Variants in TRAP1 observed in about 807,000 individuals in gnomAD.
TRAP1 encodes heat shock protein 75 kDa, mitochondrial.
TRAP1 carries 102 observed loss-of-function variants against 89.1 expected under a neutral mutation model. The observed-to-expected ratio is 1.15, with a 90% CI of 0.98 to 1.35. The LOEUF is 1.35. Ranked by LOEUF, TRAP1 falls within the 40% of genes most tolerant of loss-of-function variation. The pLI is 0.00. For missense variants in TRAP1, 1,256 were observed against 945.3 expected (o/e 1.33, Z -4.31); for synonymous variants, 508 against 388.0 (o/e 1.31, Z -3.64).
At chr16:3,705,554 T>A (rs1175676463) in intron 1 of TRAP1, among the ~76,000 whole-genome samples, 2 of 152,224 alleles carry the variant, frequency 1.3e-5, no homozygotes, top group Non-Finnish European at 2.9e-5. Flanking sequence ...TTCTTTGACT[T>A]AGCATAAAGT....
At chr16:3,712,215 G>A (rs2051540360) in intron 1 of TRAP1, among the ~76,000 whole-genome samples, 1 of 135,910 alleles carries the variant, frequency 7.4e-6, no homozygotes, top group Non-Finnish European at 1.5e-5. Flanking sequence ...CCTGAATTCA[G>A]GAGGCGGAAG....
intron 1 of TRAP1, among the ~76,000 whole-genome samples, chr16:3,700,213 G>C (rs1453058845): frequency 6.6e-6 from 1 of 151,954 alleles, no homozygotes; most frequent in East Asian, 1.9e-4. Context: ...TGTTGCCCAG[G>C]CTGGAGTGCA....
rs751861553 is a variant in TRAP1, at chr16:3,672,839, C to G, written c.1045-19G>C. 1.9e-6 allele frequency: 3 copies of G among 1,607,732 alleles called. No individual in the cohort carries two copies. The highest frequency in any genetic ancestry group is 2.5e-6 in the Non-Finnish European group (3 of 1,177,600). On this transcript the variant is annotated intron_variant, in intron 9 of 17. Coordinates refer to ENST00000246957, the MANE Select transcript of TRAP1 (RefSeq NM_016292.3). ...ACGGTTTCTGGGGGTGAGGAGAACA[C>G]GCCATCATGCAGCACTGACCCTCCC...
intron 1 of TRAP1, among the ~76,000 whole-genome samples, chr16:3,696,618 C>T (rs2051291026): frequency 6.6e-6 from 1 of 151,876 alleles, no homozygotes; most frequent in African/African-American, 2.4e-5. Flanking sequence ...CACAATGGCA[C>T]AATCACAGCT....
rs779382929 is a variant in TRAP1, at chr16:3,675,210, A to G, written c.888+114T>C. 10 of 960,376 alleles carry G rather than the reference A, an allele frequency of 1.0e-5. No homozygotes were observed. The Admixed American group carries it at 1.3e-4, about 12-fold the overall frequency. The allele number at this position is 960,376 out of a possible 1,614,324, so 59.5% of individuals were successfully genotyped here. On this transcript the variant is annotated intron_variant, in intron 8 of 17. Transcript: ENST00000246957. ...CACCCAGGTCTCATCTCCACAGAGC[A>G]GCTCGCCCTGTGACTCTGGGCCGCA...
intron 9 of TRAP1, among the ~76,000 whole-genome samples, chr16:3,673,779 C>G (rs1203800872): frequency 6.6e-6 from 1 of 152,172 alleles, no homozygotes; most frequent in Non-Finnish European, 1.5e-5. Flanking sequence ...GAATAGGTCT[C>G]CTTACGGCAG....
chr16:3,680,120 G>A (rs185398312), intron 4 of TRAP1: 245 of 227,544 alleles, frequency 1.1e-3, no homozygotes, highest in Middle Eastern at 1.8e-3. Context: ...CCAGCTACTC[G>A]GAGGCTGAGG....
At position 3,674,320 on chromosome 16, in the gene TRAP1, G is replaced by C. The variant is rs773302084; in HGVS notation, c.1044+19C>G. The stretch of plus-strand genomic sequence containing the variant: ...AACAGAGTCACCCTGAGGGCCGTGG[G>C]ACTGCCACAGTGCCTCACCATGTCG... On this transcript the variant is annotated intron_variant, in intron 9 of 17. Coordinates refer to ENST00000246957, the MANE Select transcript of TRAP1 (RefSeq NM_016292.3). 5.6e-6 allele frequency: 9 copies of C among 1,613,182 alleles called. No homozygotes were observed. In the South Asian group the frequency reaches 9.9e-5, roughly 18 times the overall value.
chr16:3,690,017 T>C (rs993452548), intron 2 of TRAP1, among the ~76,000 whole-genome samples: 1 of 152,202 alleles, frequency 6.6e-6, no homozygotes, highest in Middle Eastern at 3.4e-3. Flanking sequence ...GTTCTTTCTT[T>C]TTTTTTTAGA....
rs747303544 is a variant in TRAP1, at chr16:3,663,417, T to G, written c.1708+7A>C. 1 of 1,614,034 alleles carries G rather than the reference T, an allele frequency of 6.2e-7. No individual in the cohort carries two copies. The highest frequency in any genetic ancestry group is 8.5e-7 in the Non-Finnish European group (1 of 1,179,972). ...AGCCCCACGCCTAGAGAGCAGGGGA[T>G]GCCGACCTGGGGACCTGTCCTCAAA... is the stretch of plus-strand genomic sequence containing the variant. On this transcript the variant is annotated splice_region_variant and intron_variant, in intron 14 of 17. Transcript: ENST00000246957.
intron 16 of TRAP1, chr16:3,659,756 G>T (rs2042957934): frequency 7.6e-6 from 1 of 131,200 alleles, no homozygotes; most frequent in Non-Finnish European, 1.8e-5. Context: ...TTTTTAGATA[G>T]ATAGATAGAT....
chr16:3,711,949 T>C (rs1181271751), intron 1 of TRAP1, among the ~76,000 whole-genome samples: 2 of 152,172 alleles, frequency 1.3e-5, no homozygotes, highest in Admixed American at 6.5e-5. Context: ...CCAAAAGCAC[T>C]TTTTACTTCA....
At chr16:3,709,990 C>T (rs1417139927) in intron 1 of TRAP1, among the ~76,000 whole-genome samples, 1 of 152,186 alleles carries the variant, frequency 6.6e-6, no homozygotes, top group African/African-American at 2.4e-5. Flanking sequence ...ACAGAAAGAC[C>T]TGTATTCCCT....
chr16:3,663,442 ACTT>A lies in TRAP1; in HGVS notation c.1687_1689del (p.Lys563del). Reference sequence around the variant, plus strand: ...TGCCGACCTGGGGACCTGTCCTCAAACTTCTCCTCCTTGTAGTGATCCACGACT... The same window carrying A: ...TGCCGACCTGGGGACCTGTCCTCAAACTCCTCCTTGTAGTGATCCACGACT... On this transcript the variant is annotated inframe_deletion, in exon 14 of 18. Coordinates refer to ENST00000246957, the MANE Select transcript of TRAP1 (RefSeq NM_016292.3). 6.2e-7 allele frequency: 1 copy of A among 1,613,922 alleles called. No individual in the cohort carries two copies. Among genetic ancestry groups the A allele is most frequent in the Non-Finnish European group, 8.5e-7 (1 of 1,179,950 alleles).
rs1417679119 is a variant in TRAP1, at chr16:3,662,580, G to A, written c.1794+302C>T. On this transcript the variant is annotated intron_variant, in intron 15 of 17. Transcript: ENST00000246957. ...GAGCTCCTGAGGGCTGGGGTAGCATGTCCCTTGTTTGGAACCCCCACGTCC... is the reference window on the plus strand; with the variant it reads ...GAGCTCCTGAGGGCTGGGGTAGCATATCCCTTGTTTGGAACCCCCACGTCC... The A allele has an allele frequency of 9.9e-6, 6 of 608,570 alleles. No individual in the cohort carries two copies. The East Asian group carries it at 2.0e-4, about 20-fold the overall frequency. 37.7% of individuals were successfully genotyped at this position (608,570 alleles called of 1,614,324 possible).
chr16:3,689,612 G>A (rs1343826440), intron 2 of TRAP1: 1 of 153,454 alleles, frequency 6.5e-6, no homozygotes, highest in Non-Finnish European at 1.5e-5. Flanking sequence ...CAAGGCAGGA[G>A]AATCACTTAA....
intron 1 of TRAP1, among the ~76,000 whole-genome samples, chr16:3,711,704 G>A (rs1368827359): frequency 6.6e-6 from 1 of 151,996 alleles, no homozygotes; most frequent in Non-Finnish European, 1.5e-5. Context: ...CAGCTTTTAT[G>A]GTAATTCCTA....
At chr16:3,669,539 A>T (rs896210485) in intron 11 of TRAP1, among the ~76,000 whole-genome samples, 1 of 152,146 alleles carries the variant, frequency 6.6e-6, no homozygotes, top group African/African-American at 2.4e-5. Flanking sequence ...GCTGCAGGTA[A>T]AGATTTCAGA....
Position 3,673,467 on chromosome 16 carries a change from C to T in TRAP1, c.1045-647G>A, listed in dbSNP as rs376780643. Among the ~76,000 whole-genome samples, 10 of 152,358 alleles carry T rather than the reference C, an allele frequency of 6.6e-5. No homozygotes were observed. In the East Asian group the frequency reaches 9.6e-4, roughly 15 times the overall value. On this transcript the variant is annotated intron_variant, in intron 9 of 17. Transcript: ENST00000246957. ...GTACTTCCCGAACCGGGACCCACACCTCATCACGGGATCTGGTTAAAATGC... is the reference window on the plus strand; with the variant it reads ...GTACTTCCCGAACCGGGACCCACACTTCATCACGGGATCTGGTTAAAATGC...
Sources: gnomAD v4.1 joint callset for allele counts (sites outside exome capture counted in the v4.1 genomes callset) on GRCh38, gnomAD v4.1.1 for gene constraint, MANE v1.5 for transcripts, NCBI Gene and HGNC (gene_info 2026-07-23, HGNC 2026-07-21) for gene names.